SERPINE3: variants seen among roughly 807,000 people sequenced by gnomAD.
SERPINE3 encodes serpin family E member 3.
Under a neutral mutation model 41.7 loss-of-function variants are expected in SERPINE3, and 43 were observed. The ratio of observed to expected loss-of-function variants is 1.03; its 90% confidence interval spans 0.81 to 1.33. The LOEUF (loss-of-function observed/expected upper bound fraction) is 1.33. Among genes scored for constraint, SERPINE3 ranks in the 40% most tolerant of loss-of-function variants. SERPINE3 has a pLI of 0.00. For missense variants in SERPINE3, 440 were observed against 491.7 expected, an observed-to-expected ratio of 0.89 and a Z score of 0.99; for synonymous variants, 200 against 192.2, an observed-to-expected ratio of 1.04 and a Z score of -0.34.
At chr13:51,342,823 G>A (rs1415361908) in intron 3 of SERPINE3, among the ~76,000 whole-genome samples, 1 of 152,118 alleles carries the variant, frequency 6.6e-6, no homozygotes, top group African/African-American at 2.4e-5. Context: ...CCTCGATAGA[G>A]TAAAATCTGA....
At chr13:51,362,169 C>T in intron 9 of SERPINE3, 1 of 810,658 alleles carries the variant, frequency 1.2e-6, no homozygotes, top group Non-Finnish European at 1.8e-6. Context: ...GTTTCTACTT[C>T]TGAAGACACT....
intron 4 of SERPINE3, 27 bp from the exon 5 acceptor site, chr13:51,346,998 A>C (rs768376805): frequency 2.6e-6 from 4 of 1,533,238 alleles, no homozygotes; most frequent in Non-Finnish European, 3.5e-6. Flanking sequence ...CATTTAACCC[A>C]TGGCCACCTT....
chr13:51,346,451 A>C (rs1318882534), intron 4 of SERPINE3, among the ~76,000 whole-genome samples: 1 of 152,232 alleles, frequency 6.6e-6, no homozygotes, highest in East Asian at 1.9e-4. Context: ...GCAGCATCCC[A>C]ACCTGTTCAG....
chr13:51,361,710 A>G (rs899847748), intron 8 of SERPINE3, 100 bp from the exon 9 acceptor site: 3 of 1,036,386 alleles, frequency 2.9e-6, no homozygotes, highest in East Asian at 5.2e-5. Flanking sequence ...TGCCATTAGG[A>G]TGCTTTGATT....
intron 7 of SERPINE3, among the ~76,000 whole-genome samples, chr13:51,360,684 A>C (rs1313586734): frequency 6.6e-6 from 1 of 152,090 alleles, no homozygotes; most frequent in Non-Finnish European, 1.5e-5. Context: ...TTAATTGCAT[A>C]ACTGATACAC....
At chr13:51,349,399 T>G (rs533419721) in intron 6 of SERPINE3, among the ~76,000 whole-genome samples, 2 of 152,278 alleles carry the variant, frequency 1.3e-5, no homozygotes, top group East Asian at 3.9e-4. Context: ...CTCTCAAAAC[T>G]AAATATTTGG....
At position 51,360,702 on chromosome 13, in the gene SERPINE3, T is replaced by C. The variant is rs114551522; in HGVS notation, c.1001-576T>C. Among the ~76,000 whole-genome samples the C allele has an allele frequency of 1.4e-3, 207 of 152,204 alleles. 1 individual carries two copies. Among genetic ancestry groups the C allele is most frequent in the African/African-American group, 4.9e-3 (202 of 41,560 alleles). The stretch of plus-strand genomic sequence containing the variant: ...ATTGCATAACTGATACACCTAAGTA[T>C]ACAGAATACAGTCATGCAACACTAG... On this transcript the variant is annotated intron_variant, in intron 7 of 9. Transcript: ENST00000681248.
intron 3 of SERPINE3, 66 bp from the exon 4 acceptor site, chr13:51,344,186 T>G: frequency 8.8e-7 from 1 of 1,142,230 alleles, no homozygotes; most frequent in Non-Finnish European, 1.3e-6. Flanking sequence ...CAATGTGTGC[T>G]GGAGGTTGTG....
At chr13:51,348,058 C>T (rs1199575343) in intron 5 of SERPINE3, among the ~76,000 whole-genome samples, 155 bp from the exon 6 acceptor site, 1 of 152,032 alleles carries the variant, frequency 6.6e-6, no homozygotes, top group African/African-American at 2.4e-5. Context: ...CCATATCGCC[C>T]AACAGTCTTT....
chr13:51,344,981 C>T (rs1375233273), intron 4 of SERPINE3, among the ~76,000 whole-genome samples: 2 of 152,238 alleles, frequency 1.3e-5, no homozygotes, highest in Non-Finnish European at 2.9e-5. Flanking sequence ...GACTTACAAA[C>T]AGCCTCGCTG....
At chr13:51,351,195 C>A (rs1442035489) in intron 6 of SERPINE3, among the ~76,000 whole-genome samples, 1 of 152,108 alleles carries the variant, frequency 6.6e-6, no homozygotes, top group Non-Finnish European at 1.5e-5. Context: ...CATGTGGTAA[C>A]CCTACATTTT....
rs1955650696 is a variant in SERPINE3, at chr13:51,364,614, A to G, written c.*332A>G. 5.0e-6 allele frequency: 1 copy of G among 200,842 alleles called. No individual in the cohort carries two copies. The highest frequency in any genetic ancestry group is 2.3e-5 in the African/African-American group (1 of 43,344). 12.4% of individuals were successfully genotyped at this position (200,842 alleles called of 1,614,324 possible). ...AGGCCATGTTGAATTGAGGGTGGAG[A>G]ATGAATAGCGTGGTTTTCCTTATCC... On this transcript the variant is annotated 3_prime_UTR_variant, in exon 10 of 10. Transcript: ENST00000681248.
chr13:51,355,271 A>G (rs532469429), intron 7 of SERPINE3, 128 bp downstream of exon 7: 1 of 591,768 alleles, frequency 1.7e-6, no homozygotes, highest in South Asian at 2.3e-5. Context: ...TCTGTTTTAT[A>G]TAAGAATGTG....
At chr13:51,362,004 T>C (rs201056902) in intron 9 of SERPINE3, 111 bp downstream of exon 9, 11 of 1,609,560 alleles carry the variant, frequency 6.8e-6, no homozygotes, top group Non-Finnish European at 9.3e-6. Context: ...CTAGCTGTTT[T>C]TATGGTGCTT....
At position 51,347,039 on chromosome 13, in the gene SERPINE3, G is replaced by T; in HGVS notation, c.505G>T (p.Glu169Ter). The T allele has an allele frequency of 6.3e-7, 1 of 1,583,916 alleles. No homozygotes were observed. The highest frequency in any genetic ancestry group is 8.6e-7 in the Non-Finnish European group (1 of 1,164,556). The part of the protein sequence containing the change: ...SRETAGGGPS[E>*]GPGGWPWEQV... ...CCTGCTTGCAGGTGGGGGCCCCAGT[G>T]AGGGCCCTGGTGGCTGGCCGTGGGA... Residue 169 changes from glutamate to a stop codon, truncating the protein, a stop_gained, in exon 5 of 10, where the codon GAG (glutamate) becomes TAG (stop). Transcript: ENST00000681248. LOFTEE classifies it high-confidence loss of function.
chr13:51,355,896 G>A (rs1399844906), intron 7 of SERPINE3, among the ~76,000 whole-genome samples: 1 of 152,110 alleles, frequency 6.6e-6, no homozygotes, highest in Non-Finnish European at 1.5e-5. Flanking sequence ...TACTGTAGCT[G>A]GTATTTCCAT....
At chr13:51,362,025 C>G in intron 9 of SERPINE3, 132 bp downstream of exon 9, 1 of 1,602,538 alleles carries the variant, frequency 6.2e-7, no homozygotes, top group Non-Finnish European at 8.5e-7. Flanking sequence ...CAGAAGCTAC[C>G]CAGTTGCTAT....
At chr13:51,356,497 G>A (rs147388972) in intron 7 of SERPINE3, among the ~76,000 whole-genome samples, 32 of 152,280 alleles carry the variant, frequency 2.1e-4, no homozygotes, top group Non-Finnish European at 2.6e-4. Context: ...GATGATCAGA[G>A]TTAAAAACTG....
At chr13:51,353,502 T>C (rs900670744) in intron 6 of SERPINE3, among the ~76,000 whole-genome samples, 8 of 152,182 alleles carry the variant, frequency 5.3e-5, no homozygotes, top group African/African-American at 1.7e-4. Context: ...AGTTTGCAGG[T>C]AGTTACTTGA....
Sources: allele counts gnomAD v4.1 joint callset (sites outside exome capture counted in the v4.1 genomes callset), GRCh38; gene constraint gnomAD v4.1.1; transcripts MANE v1.5; gene names NCBI Gene and HGNC (gene_info 2026-07-23, HGNC 2026-07-21).